FHOD3: variants seen among roughly 807,000 people sequenced by gnomAD.
FHOD3 encodes the protein formin homology 2 domain containing 3, also known as FH1/FH2 domain-containing protein 3.
FHOD3 carries 90 observed loss-of-function variants against 173.0 expected under a neutral mutation model. The observed-to-expected ratio is 0.52, with a 90% CI of 0.44 to 0.62. The LOEUF (loss-of-function observed/expected upper bound fraction) is 0.62. Among genes scored for constraint, FHOD3 ranks in the 20% least tolerant of loss-of-function variants. The pLI, the probability that FHOD3 is intolerant of heterozygous loss-of-function variation, is 0.00. For missense variants in FHOD3, 1,945 were observed against 2,034.7 expected (o/e 0.96, Z 0.85); for synonymous variants, 828 against 823.0 (o/e 1.01, Z -0.10).
At chr18:36,441,278 C>CAGG (rs2051131933) in intron 3 of FHOD3, among the ~76,000 whole-genome samples, 2 of 152,108 alleles carry the variant, frequency 1.3e-5, no homozygotes, top group African/African-American at 4.8e-5. Context: ...CCTGCATGAG[C>CAGG]CAGGCATTGT....
Position 36,654,578 on chromosome 18 carries a change from A to C in FHOD3, c.1721+1162A>C, listed in dbSNP as rs73949830. 3.8e-3 allele frequency among the ~76,000 whole-genome samples: 579 copies of C among 152,332 alleles called. 7 individuals are homozygous for C. The highest frequency in any genetic ancestry group is 0.013 in the African/African-American group (545 of 41,580). On this transcript the variant is annotated intron_variant, in intron 13 of 28. Transcript: ENST00000590592. The stretch of plus-strand genomic sequence containing the variant: ...AATGAGACTTAACTTCTGTCAGAAG[A>C]AGCCTGATTTCATGTTTCAGTTCAA...
intron 18 of FHOD3, among the ~76,000 whole-genome samples, chr18:36,713,969 T>C (rs1454711465): frequency 6.6e-6 from 1 of 152,090 alleles, no homozygotes; most frequent in Non-Finnish European, 1.5e-5. Flanking sequence ...ATACCATATA[T>C]AGAAAACTCT....
rs7229001 is a variant in FHOD3 at position 36,538,485 on chromosome 18, A to G, written c.511+25942A>G. ...GTCAGGGAATATTTTGGGATAGGGT[A>G]TATTCCTACAGATTCTGCAGTATCA... On this transcript the variant is annotated intron_variant, in intron 5 of 28. Coordinates refer to ENST00000590592, the MANE Select transcript of FHOD3 (RefSeq NM_001281740.3). Among the ~76,000 whole-genome samples, 1,078 of 152,360 alleles carry G rather than the reference A, an allele frequency of 7.1e-3. 14 individuals carry two copies. The highest frequency in any genetic ancestry group is 0.025 in the African/African-American group (1,019 of 41,578).
intron 3 of FHOD3, among the ~76,000 whole-genome samples, chr18:36,458,839 A>AAATC (rs1047100237): frequency 8.5e-5 from 13 of 152,124 alleles, no homozygotes. Flanking sequence ...CCTAGAAGAA[A>AAATC]AATCAACCTC....
chr18:36,778,581 A>G (rs946908088), intron 28 of FHOD3: 2 of 152,178 alleles, frequency 1.3e-5, no homozygotes, highest in African/African-American at 2.4e-5. Flanking sequence ...ATACTAAACA[A>G]TGGGAATACC....
chr18:36,687,763 C>T (rs2038718623), intron 16 of FHOD3, among the ~76,000 whole-genome samples: 2 of 152,288 alleles, frequency 1.3e-5, no homozygotes, highest in South Asian at 4.2e-4. Context: ...AATGAACCAA[C>T]AGCTTTATTT....
At chr18:36,718,752 T>C (rs1054266514) in intron 19 of FHOD3, 37 bp downstream of exon 19, 21 of 1,592,142 alleles carry the variant, frequency 1.3e-5, no homozygotes, top group Admixed American at 1.7e-5. Flanking sequence ...TGATTGGAAG[T>C]TGGGTAGGGC....
chr18:36,481,915 T>G (rs1483619197), intron 3 of FHOD3, among the ~76,000 whole-genome samples: 1 of 152,208 alleles, frequency 6.6e-6, no homozygotes, highest in Admixed American at 6.5e-5. Context: ...AATTCATGTT[T>G]CCTCAACTCC....
intron 6 of FHOD3, among the ~76,000 whole-genome samples, chr18:36,581,727 C>T (rs1428376329): frequency 6.6e-6 from 1 of 152,200 alleles, no homozygotes; most frequent in African/African-American, 2.4e-5. Flanking sequence ...CTTTCTCTGT[C>T]ATATACATTA....
At position 36,619,905 on chromosome 18, in the gene FHOD3, G is replaced by A. The variant is rs79625930; in HGVS notation, c.958-5606G>A. On this transcript the variant is annotated intron_variant, in intron 9 of 28. Coordinates refer to ENST00000590592, the MANE Select transcript of FHOD3 (RefSeq NM_001281740.3). ...AGAGCATTGGAGGAGGTCAGGCATG[G>A]CAGGTGTCAGGGGTTGAAAGGAGGC... 7.7e-3 allele frequency among the ~76,000 whole-genome samples: 1,171 copies of A among 152,290 alleles called. 21 individuals are homozygous for A. The highest frequency in any genetic ancestry group is 0.027 in the African/African-American group (1,113 of 41,544).
intron 2 of FHOD3, among the ~76,000 whole-genome samples, chr18:36,370,510 G>C (rs923781814): frequency 6.6e-6 from 1 of 152,062 alleles, no homozygotes; most frequent in African/African-American, 2.4e-5. Context: ...CATGCTCACT[G>C]TGGGTCTAGA....
At chr18:36,572,277 C>T (rs1599706109) in intron 5 of FHOD3, among the ~76,000 whole-genome samples, 1 of 152,160 alleles carries the variant, frequency 6.6e-6, no homozygotes, top group African/African-American at 2.4e-5. Flanking sequence ...CTTGAAAACA[C>T]AAATCATGAA....
chr18:36,388,305 C>G (rs1416975561), intron 3 of FHOD3, among the ~76,000 whole-genome samples: 1 of 152,102 alleles, frequency 6.6e-6, no homozygotes, highest in East Asian at 1.9e-4. Flanking sequence ...ACTGGTCTCC[C>G]CAGGTCTGCT....
At chr18:36,439,904 C>T (rs1490872267) in intron 3 of FHOD3, among the ~76,000 whole-genome samples, 1 of 152,092 alleles carries the variant, frequency 6.6e-6, no homozygotes, top group Non-Finnish European at 1.5e-5. Context: ...TAGATGATGC[C>T]CTCCCCATCC....
At chr18:36,734,492 G>A (rs547925434) in intron 20 of FHOD3, among the ~76,000 whole-genome samples, 2 of 152,140 alleles carry the variant, frequency 1.3e-5, no homozygotes, top group South Asian at 4.2e-4. Flanking sequence ...TCCAGAGACT[G>A]TGTAGATCTC....
intron 2 of FHOD3, among the ~76,000 whole-genome samples, chr18:36,360,097 T>C (rs1203602838): frequency 1.3e-5 from 2 of 152,176 alleles, no homozygotes; most frequent in Admixed American, 1.3e-4. Context: ...TCAGTGTCTC[T>C]GAAAGGAAAC....
At chr18:36,713,085 G>T (rs552454295) in intron 18 of FHOD3, among the ~76,000 whole-genome samples, 1 of 152,284 alleles carries the variant, frequency 6.6e-6, no homozygotes, top group East Asian at 1.9e-4. Flanking sequence ...AAAAGAGTGG[G>T]TCCCTAACAG....
chr18:36,587,300 C>T (rs2059068876), intron 6 of FHOD3, among the ~76,000 whole-genome samples: 3 of 152,124 alleles, frequency 2.0e-5, no homozygotes, highest in Admixed American at 2.0e-4. Context: ...AAGTTAGAAA[C>T]TCTTCAGAGG....
At chr18:36,415,681 C>A (rs1401636969) in intron 3 of FHOD3, among the ~76,000 whole-genome samples, 1 of 152,170 alleles carries the variant, frequency 6.6e-6, no homozygotes, top group Non-Finnish European at 1.5e-5. Context: ...TAAGTCATTT[C>A]CAGTAGGATT....
Sources: allele counts gnomAD v4.1 joint callset (sites outside exome capture counted in the v4.1 genomes callset), GRCh38; gene constraint gnomAD v4.1.1; transcripts MANE v1.5; gene names NCBI Gene and HGNC (gene_info 2026-07-23, HGNC 2026-07-21).